ALK: variants seen among roughly 807,000 people sequenced by gnomAD.
ALK encodes the protein ALK receptor tyrosine kinase, also known as ALK tyrosine kinase receptor.
ALK carries 74 observed loss-of-function variants against 163.1 expected under a neutral mutation model. The observed-to-expected ratio is 0.45, with a 90% CI of 0.38 to 0.55. The LOEUF (loss-of-function observed/expected upper bound fraction) is 0.55. Ranked by LOEUF, ALK falls within the 20% of genes least tolerant of loss-of-function variation. ALK has a pLI of 0.00. For missense variants in ALK, 2,063 were observed against 2,105.3 expected (o/e 0.98, Z 0.39); for synonymous variants, 960 against 843.2 (o/e 1.14, Z -2.40).
chr2:29,542,434 G>A (rs945327971), intron 3 of ALK, among the ~76,000 whole-genome samples: 2 of 152,102 alleles, frequency 1.3e-5, no homozygotes, highest in Non-Finnish European at 2.9e-5. Context: ...GGACTTTTAT[G>A]TTAGTCCCAC....
At chr2:29,540,436 G>A (rs547859807) in intron 3 of ALK, among the ~76,000 whole-genome samples, 1 of 152,128 alleles carries the variant, frequency 6.6e-6, no homozygotes, top group East Asian at 1.9e-4. Context: ...ACTTATAAGA[G>A]CCTCTATGAC....
At chr2:29,672,054 C>CT (rs34783503) in intron 3 of ALK, among the ~76,000 whole-genome samples, 93,915 of 142,338 alleles carry the variant, frequency 0.66, 32,030 homozygotes, top group East Asian at 0.76. Context: ...AGGACATTTT[C>CT]TTTTTTTTTT....
At chr2:29,690,626 T>C (rs1573558550) in intron 3 of ALK, among the ~76,000 whole-genome samples, 1 of 152,216 alleles carries the variant, frequency 6.6e-6, no homozygotes, top group South Asian at 2.1e-4. Context: ...TTCTTCAAGA[T>C]TTTAGTAATT....
At chr2:29,566,590 A>G (rs2148186943) in intron 3 of ALK, among the ~76,000 whole-genome samples, 1 of 152,316 alleles carries the variant, frequency 6.6e-6, no homozygotes, top group African/African-American at 2.4e-5. Context: ...CTGGAGGAAA[A>G]TTTGGCAAAA....
chr2:29,575,342 T>G (rs1431990202), intron 3 of ALK, among the ~76,000 whole-genome samples: 2 of 152,180 alleles, frequency 1.3e-5, no homozygotes, highest in African/African-American at 4.8e-5. Flanking sequence ...GCTGCGAATG[T>G]TTTCACCAGG....
intron 3 of ALK, among the ~76,000 whole-genome samples, chr2:29,567,630 C>A (rs910453940): frequency 2.0e-5 from 3 of 152,094 alleles, no homozygotes; most frequent in African/African-American, 7.2e-5. Context: ...CATGCTTGCT[C>A]CTTTTGGGGT....
intron 3 of ALK, among the ~76,000 whole-genome samples, chr2:29,624,538 T>C (rs986226737): frequency 1.3e-5 from 2 of 152,066 alleles, no homozygotes; most frequent in African/African-American, 4.8e-5. Flanking sequence ...AAGGAAGAAC[T>C]GCAGGGAAGC....
chr2:29,830,476 T>A (rs12623676), intron 1 of ALK, among the ~76,000 whole-genome samples: 2 of 151,762 alleles, frequency 1.3e-5, no homozygotes. Flanking sequence ...AGGAGCCCTA[T>A]TGACACAAGG....
At chr2:29,860,289 A>G (rs960998454) in intron 1 of ALK, among the ~76,000 whole-genome samples, 1 of 152,066 alleles carries the variant, frequency 6.6e-6, no homozygotes, top group Non-Finnish European at 1.5e-5. Flanking sequence ...ACCATATGGC[A>G]ACTGCCTACG....
At chr2:29,258,835 A>G (rs1665015274) in intron 11 of ALK, among the ~76,000 whole-genome samples, 1 of 152,228 alleles carries the variant, frequency 6.6e-6, no homozygotes, top group Admixed American at 6.5e-5. Context: ...GATTTCTCTT[A>G]GTAGGAAAAG....
chr2:29,384,930 G>A (rs1389439160), intron 4 of ALK, among the ~76,000 whole-genome samples: 1 of 152,006 alleles, frequency 6.6e-6, no homozygotes, highest in African/African-American at 2.4e-5. Flanking sequence ...GCACACCTGA[G>A]GTCCCAGCTA....
At chr2:29,489,011 T>C (rs529810930) in intron 4 of ALK, among the ~76,000 whole-genome samples, 64 of 152,234 alleles carry the variant, frequency 4.2e-4, no homozygotes, top group African/African-American at 1.4e-3. Context: ...AAACTGATCA[T>C]TGTCAGGATC....
chr2:29,604,637 G>A (rs1459661692), intron 3 of ALK, among the ~76,000 whole-genome samples: 1 of 152,172 alleles, frequency 6.6e-6, no homozygotes, highest in African/African-American at 2.4e-5. Context: ...AGATAAAAGG[G>A]AAAAGAGGTC....
chr2:29,831,174 A>AGGAAGAGGAAGG (rs1425629549), intron 1 of ALK, among the ~76,000 whole-genome samples: 8 of 29,264 alleles, frequency 2.7e-4, no homozygotes, highest in South Asian at 8.7e-3. Flanking sequence ...GAAGAGGAAG[A>AGGAAGAGGAAGG]GGAAGGGGAA....
chr2:29,578,485 G>C (rs1399975297), intron 3 of ALK, among the ~76,000 whole-genome samples: 5 of 152,198 alleles, frequency 3.3e-5, no homozygotes. Flanking sequence ...GATGCCGAAA[G>C]GGTCTTTGAG....
chr2:29,309,025 G>A (rs1266036582), intron 8 of ALK, among the ~76,000 whole-genome samples: 1 of 152,078 alleles, frequency 6.6e-6, no homozygotes, highest in Admixed American at 6.5e-5. Flanking sequence ...TGGGCAAACG[G>A]CCTCCTCTGT....
chr2:29,341,995 G>A (rs1667806677), intron 5 of ALK, among the ~76,000 whole-genome samples: 1 of 152,142 alleles, frequency 6.6e-6, no homozygotes. Flanking sequence ...CAGGCAGGAA[G>A]GATAAATAAC....
chr2:29,462,327 C>T (rs577915647), intron 4 of ALK, among the ~76,000 whole-genome samples: 16 of 152,204 alleles, frequency 1.1e-4, no homozygotes, highest in African/African-American at 2.9e-4. Flanking sequence ...GTGGGTAAAA[C>T]GCTATCAAAC....
intron 1 of ALK, among the ~76,000 whole-genome samples, chr2:29,827,826 C>T (rs1347757327): frequency 6.6e-6 from 1 of 152,142 alleles, no homozygotes; most frequent in African/African-American, 2.4e-5. Context: ...CTTTAAAGTT[C>T]ATATGGAACC....
Sources: gnomAD v4.1 joint callset for allele counts (sites outside exome capture counted in the v4.1 genomes callset) on GRCh38, gnomAD v4.1.1 for gene constraint, MANE v1.5 for transcripts, NCBI Gene and HGNC (gene_info 2026-07-23, HGNC 2026-07-21) for gene names.